MAST4: variants seen among roughly 807,000 people sequenced by gnomAD.
MAST4 encodes microtubule-associated serine/threonine-protein kinase 4.
Under a neutral mutation model 162.7 loss-of-function variants are expected in MAST4, and 89 were observed. The ratio of observed to expected loss-of-function variants is 0.55; its 90% confidence interval spans 0.46 to 0.65. MAST4 has a LOEUF of 0.65. MAST4 is among the 30% of genes least tolerant of loss of function. The pLI, the probability that MAST4 is intolerant of heterozygous loss-of-function variation, is 0.00. For synonymous variants in MAST4, 1,479 were observed against 1,361.1 expected, an observed-to-expected ratio of 1.09 and a Z score of -1.91; for missense variants, 3,153 against 3,374.0, an observed-to-expected ratio of 0.93 and a Z score of 1.62.
chr5:67,153,863 T>C (rs1008783982), intron 26 of MAST4, among the ~76,000 whole-genome samples: 2 of 152,232 alleles, frequency 1.3e-5, no homozygotes, highest in Non-Finnish European at 2.9e-5. Context: ...GTGACATCTA[T>C]TTGGAGAGTC....
chr5:67,099,714 G>C (rs1764819929), intron 7 of MAST4, among the ~76,000 whole-genome samples: 1 of 151,848 alleles, frequency 6.6e-6, no homozygotes, highest in Non-Finnish European at 1.5e-5. Context: ...TTATTTAGCT[G>C]TTCATCTTTC....
rs201357969 is a variant in MAST4 at position 66,938,632 on chromosome 5, C to A, written c.674+38650C>A. Among the ~76,000 whole-genome samples, 12 of 152,290 alleles carry A rather than the reference C, an allele frequency of 7.9e-5. No homozygotes were observed. In the East Asian group the frequency reaches 2.1e-3, roughly 27 times the overall value. On this transcript the variant is annotated intron_variant, in intron 4 of 28. Coordinates refer to ENST00000403625, the MANE Select transcript of MAST4 (RefSeq NM_001164664.2). ...CAAGTTATACCTGAACCGTAACCAG[C>A]CTTTACTCAGCTCAGCCATGACTGC... is the stretch of plus-strand genomic sequence containing the variant.
chr5:67,032,149 A>G (rs1755414239), intron 4 of MAST4, among the ~76,000 whole-genome samples: 2 of 152,278 alleles, frequency 1.3e-5, no homozygotes, highest in South Asian at 4.1e-4. Context: ...CTGTACCTGT[A>G]ATCCATTTTA....
intron 2 of MAST4, among the ~76,000 whole-genome samples, chr5:66,767,170 C>CGTTGTGTGTGTGTGTGTGT (rs1491178013): frequency 2.9e-4 from 41 of 139,564 alleles, no homozygotes; most frequent in African/African-American, 1.1e-3. Flanking sequence ...GTAAAGTGCA[C>CGTTGTGTGTGTGTGTGTGT]GTGTGTGTGT....
chr5:67,020,181 A>AGTTCTCTTGAAAGTTCCTTAGTGACTG (rs1753801643), intron 4 of MAST4, among the ~76,000 whole-genome samples: 1 of 152,022 alleles, frequency 6.6e-6, no homozygotes, highest in Non-Finnish European at 1.5e-5. Context: ...TTTAGTGACT[A>AGTTCTCTTGAAAGTTCCTTAGTGACTG]TGCCTTGCTT....
At chr5:67,017,123 G>A (rs1229625945) in intron 4 of MAST4, among the ~76,000 whole-genome samples, 5 of 152,164 alleles carry the variant, frequency 3.3e-5, no homozygotes, top group African/African-American at 1.2e-4. Context: ...AAAAGTAACT[G>A]CTTTGTAATA....
In MAST4 at chr5:66,628,071, G is replaced by A. The variant is rs1025343012; in HGVS notation, c.363+31053G>A. Among the ~76,000 whole-genome samples the A allele has an allele frequency of 1.5e-4, 23 of 151,978 alleles. 1 individual carries two copies. Among genetic ancestry groups the A allele is most frequent in the Admixed American group, 9.2e-4 (14 of 15,254 alleles). On this transcript the variant is annotated intron_variant, in intron 1 of 28. Coordinates refer to ENST00000403625, the MANE Select transcript of MAST4 (RefSeq NM_001164664.2). ...TTTAGAGACAGAGTTTTGCTCTCTC[G>A]CCCAGACTATAGTGCAGTGGTGTAA...
intron 2 of MAST4, among the ~76,000 whole-genome samples, chr5:66,763,315 T>C (rs569193555): frequency 1.3e-5 from 2 of 152,322 alleles, no homozygotes; most frequent in Admixed American, 1.3e-4. Context: ...GCTCAATCTG[T>C]AGGGCTCCCA....
intron 3 of MAST4, among the ~76,000 whole-genome samples, chr5:66,816,625 G>A (rs557842599): frequency 8.5e-5 from 13 of 152,242 alleles, no homozygotes; most frequent in African/African-American, 3.1e-4. Context: ...GGAGAGAATG[G>A]CTGCCTTTAG....
chr5:66,836,719 C>A (rs1402334658), intron 3 of MAST4, among the ~76,000 whole-genome samples: 1 of 152,090 alleles, frequency 6.6e-6, no homozygotes, highest in African/African-American at 2.4e-5. Flanking sequence ...TGCATGTTCT[C>A]ACTTTGAAAT....
chr5:66,919,900 CCTTCCTTCCTTCCTTCCTTCCTTCCTT>C (rs1365535248), intron 4 of MAST4, among the ~76,000 whole-genome samples: 1 of 2,546 alleles, frequency 3.9e-4, no homozygotes, highest in African/African-American at 5.1e-4. Flanking sequence ...TTTTCTCTCT[CCTTCCTTCCTTCCTTCCTTCCTTCCTT>C]CCTTCCTTCC....
At chr5:67,014,556 G>GC (rs1753060257) in intron 4 of MAST4, among the ~76,000 whole-genome samples, 1 of 152,140 alleles carries the variant, frequency 6.6e-6, no homozygotes, top group South Asian at 2.1e-4. Flanking sequence ...TTACTGTGTG[G>GC]CCTGTAAAAC....
In MAST4 at chr5:66,984,194, A is replaced by G. The variant is rs559846292; in HGVS notation, c.675-70210A>G. Among the ~76,000 whole-genome samples the G allele has an allele frequency of 2.6e-5, 4 of 152,340 alleles. No homozygotes were observed. In the South Asian group the frequency reaches 6.2e-4, roughly 24 times the overall value. On this transcript the variant is annotated intron_variant, in intron 4 of 28. Coordinates refer to ENST00000403625, the MANE Select transcript of MAST4 (RefSeq NM_001164664.2). ...GCAGAGAAGTAAAACAGGGGAGTCC[A>G]TGGCTTCTTTCTTCCTGAAGGAGTG... is the stretch of plus-strand genomic sequence containing the variant.
At chr5:66,649,784 A>T (rs904902937) in intron 1 of MAST4, among the ~76,000 whole-genome samples, 1 of 151,810 alleles carries the variant, frequency 6.6e-6, no homozygotes, top group African/African-American at 2.4e-5. Flanking sequence ...TCCCTGTTTC[A>T]CTCTGAATCC....
intron 1 of MAST4, among the ~76,000 whole-genome samples, chr5:66,724,847 A>G (rs1009230029): frequency 6.6e-6 from 1 of 152,076 alleles, no homozygotes; most frequent in Non-Finnish European, 1.5e-5. Flanking sequence ...AACATTATAC[A>G]GCACTGACTG....
chr5:67,134,401 C>G (rs1769368550), intron 17 of MAST4, 122 bp from the exon 18 acceptor site: 1 of 656,444 alleles, frequency 1.5e-6, no homozygotes, highest in Admixed American at 3.3e-5. Context: ...AGTTCTTTGT[C>G]CATGTGGTTC....
At position 66,809,303 on chromosome 5, in the gene MAST4, A is replaced by G. The variant is rs539443932; in HGVS notation, c.642+20509A>G. Among the ~76,000 whole-genome samples, 8 of 152,320 alleles carry G rather than the reference A, an allele frequency of 5.3e-5. No homozygotes were observed. In the East Asian group the frequency reaches 1.5e-3, roughly 29 times the overall value. ...CACTAATTAGAAATGTTCTTGCCAC[A>G]TGTCACTTTTCTAATCAACTAGAGG... On this transcript the variant is annotated intron_variant, in intron 3 of 28. Coordinates refer to ENST00000403625, the MANE Select transcript of MAST4 (RefSeq NM_001164664.2).
intron 4 of MAST4, among the ~76,000 whole-genome samples, chr5:67,039,098 C>A (rs1483965761): frequency 6.6e-6 from 1 of 152,286 alleles, no homozygotes; most frequent in East Asian, 1.9e-4. Context: ...GATTTAACTG[C>A]ATTGTTGTTT....
intron 3 of MAST4, among the ~76,000 whole-genome samples, chr5:66,817,745 C>A (rs990334781): frequency 2.6e-5 from 4 of 152,056 alleles, no homozygotes; most frequent in African/African-American, 9.7e-5. Context: ...CAATTAGTTT[C>A]TGTGAAACAC....
Sources: gnomAD v4.1 joint callset for allele counts (sites outside exome capture counted in the v4.1 genomes callset) on GRCh38, gnomAD v4.1.1 for gene constraint, MANE v1.5 for transcripts, NCBI Gene and HGNC (gene_info 2026-07-23, HGNC 2026-07-21) for gene names.